Variants in CADM1 observed in about 807,000 individuals in gnomAD.
CADM1 encodes cell adhesion molecule 1, also known as TSLC-1.
CADM1 carries 15 observed loss-of-function variants against 53.1 expected under a neutral mutation model. The observed-to-expected ratio is 0.28, with a 90% CI of 0.19 to 0.44. The LOEUF (loss-of-function observed/expected upper bound fraction) is 0.44, where lower values mean the gene tolerates loss of function less well. Ranked by LOEUF, CADM1 falls within the 20% of genes least tolerant of loss-of-function variation. The probability of loss-of-function intolerance (pLI) is 1.00; values close to 1 mark genes in which losing one functional copy is unlikely to be tolerated. For missense variants in CADM1, 434 were observed against 611.3 expected, an observed-to-expected ratio of 0.71 and a Z score of 3.06; for synonymous variants, 281 against 243.0, an observed-to-expected ratio of 1.16 and a Z score of -1.45.
intron 1 of CADM1, among the ~76,000 whole-genome samples, chr11:115,408,448 C>G (rs1947372547): frequency 6.6e-6 from 1 of 152,212 alleles, no homozygotes; most frequent in Admixed American, 6.5e-5. Context: ...GCCTGGATTT[C>G]TATCCCACTA....
In CADM1 at chr11:115,232,371, T is replaced by A. The variant is rs150359193; in HGVS notation, c.425-881A>T. On this transcript the variant is annotated intron_variant, in intron 3 of 11. Transcript: ENST00000331581. ...TCCAGAATGTAATCATAACCTCTGA[T>A]GGATAATGTAGTAATAAAGTCCTTT... is the stretch of plus-strand genomic sequence containing the variant. 5.9e-5 allele frequency among the ~76,000 whole-genome samples: 9 copies of A among 152,322 alleles called. No homozygotes were observed. The East Asian group carries it at 1.7e-3, about 29-fold the overall frequency.
At chr11:115,337,784 A>C (rs1945306622) in intron 1 of CADM1, among the ~76,000 whole-genome samples, 1 of 152,170 alleles carries the variant, frequency 6.6e-6, no homozygotes, top group African/African-American at 2.4e-5. Context: ...CTGTTGTGAT[A>C]ATGGTTTATT....
chr11:115,316,945 T>C (rs954036917), intron 1 of CADM1, among the ~76,000 whole-genome samples: 3 of 152,172 alleles, frequency 2.0e-5, no homozygotes, highest in Admixed American at 1.3e-4. Flanking sequence ...CCACAGTGTG[T>C]GCATGTTATG....
Position 115,243,214 on chromosome 11 carries a change from C to T in CADM1, c.125-2794G>A, listed in dbSNP as rs559894718. On this transcript the variant is annotated intron_variant, in intron 1 of 11. Coordinates refer to ENST00000331581, the MANE Select transcript of CADM1 (RefSeq NM_001301043.2). The stretch of plus-strand genomic sequence containing the variant: ...CCTTGCTGTGCTCTGGCACATAATG[C>T]GCTCTGCAAACCCATGGTGGTATCA... 1.5e-3 allele frequency among the ~76,000 whole-genome samples: 232 copies of T among 152,300 alleles called. 2 individuals are homozygous for T. Among genetic ancestry groups the T allele is most frequent in the African/African-American group, 4.9e-3 (203 of 41,572 alleles).
chr11:115,238,455 A>G, intron 3 of CADM1, 45 bp downstream of exon 3: 1 of 1,601,128 alleles, frequency 6.2e-7, no homozygotes, highest in Non-Finnish European at 8.6e-7. Context: ...TAAAAGGGCC[A>G]TCTCTATTCC....
At chr11:115,333,667 C>T (rs1945189761) in intron 1 of CADM1, 1 of 152,146 alleles carries the variant, frequency 6.6e-6, no homozygotes, top group African/African-American at 2.4e-5. Context: ...TCGGTATCAT[C>T]TTGATAGCAT....
chr11:115,263,002 C>T (rs1163086046), intron 1 of CADM1, among the ~76,000 whole-genome samples: 1 of 152,172 alleles, frequency 6.6e-6, no homozygotes. Context: ...GAGTACCGGT[C>T]AGCTATTTTG....
chr11:115,384,648 G>A (rs1050586014), intron 1 of CADM1, among the ~76,000 whole-genome samples: 3 of 152,186 alleles, frequency 2.0e-5, no homozygotes, highest in African/African-American at 4.8e-5. Context: ...ACCCTGGATT[G>A]TGTATTGGAC....
intron 1 of CADM1, among the ~76,000 whole-genome samples, chr11:115,258,724 T>C (rs1165948555): frequency 2.0e-5 from 3 of 152,238 alleles, no homozygotes; most frequent in African/African-American, 7.2e-5. Context: ...GAGCAAGTAC[T>C]AAAGAAATCT....
At chr11:115,389,511 GGTTAA>G (rs1382746535) in intron 1 of CADM1, among the ~76,000 whole-genome samples, 5 of 152,120 alleles carry the variant, frequency 3.3e-5, no homozygotes, top group African/African-American at 1.2e-4. Flanking sequence ...TGAGGAGAAT[GGTTAA>G]ATTATGCTAT....
In CADM1 at chr11:115,443,960, CTTT is replaced by C. The variant is rs568233118; in HGVS notation, c.124+60308_124+60310del. Among the ~76,000 whole-genome samples the C allele has an allele frequency of 7.2e-3, 1,093 of 152,256 alleles. 8 individuals carry two copies. Among genetic ancestry groups the C allele is most frequent in the Middle Eastern group, 0.01 (3 of 294 alleles). On this transcript the variant is annotated intron_variant, in intron 1 of 11. Coordinates refer to ENST00000331581, the MANE Select transcript of CADM1 (RefSeq NM_001301043.2). Reference sequence around the variant, plus strand: ...GGAGACAAAAGGTGGTTGGTCGGGTCTTTTTGTGTGTCCTATATTTCTAATAAA... The same window carrying C: ...GGAGACAAAAGGTGGTTGGTCGGGTCTTGTGTGTCCTATATTTCTAATAAA...
At chr11:115,337,510 C>T (rs1487440908) in intron 1 of CADM1, among the ~76,000 whole-genome samples, 1 of 152,088 alleles carries the variant, frequency 6.6e-6, no homozygotes, top group Non-Finnish European at 1.5e-5. Context: ...ATCCTGCCTT[C>T]TATATTTCTA....
At chr11:115,269,532 A>G (rs1232899636) in intron 1 of CADM1, among the ~76,000 whole-genome samples, 1 of 152,302 alleles carries the variant, frequency 6.6e-6, no homozygotes, top group East Asian at 1.9e-4. Flanking sequence ...TTAAAAAAGG[A>G]AAACTGCTCA....
At chr11:115,408,325 A>G (rs1266012299) in intron 1 of CADM1, among the ~76,000 whole-genome samples, 1 of 152,194 alleles carries the variant, frequency 6.6e-6, no homozygotes, top group Non-Finnish European at 1.5e-5. Flanking sequence ...TTTTTCCCCC[A>G]AGCACAACAG....
In CADM1 at chr11:115,232,091, T is replaced by C. The variant is rs1340884056; in HGVS notation, c.425-601A>G. Among the ~76,000 whole-genome samples the C allele has an allele frequency of 2.0e-5, 3 of 152,294 alleles. No homozygotes were observed. The East Asian group carries it at 5.8e-4, about 29-fold the overall frequency. On this transcript the variant is annotated intron_variant, in intron 3 of 11. Transcript: ENST00000331581. ...TATCAATATAGATATTAGTCACCAG[T>C]CATTCAAAAATTAACCAGAAAGTAG...
intron 1 of CADM1, among the ~76,000 whole-genome samples, chr11:115,366,643 C>A (rs1390679111): frequency 6.6e-6 from 1 of 152,140 alleles, no homozygotes; most frequent in African/African-American, 2.4e-5. Context: ...GAAATAGCAT[C>A]CCAAGGATAC....
At chr11:115,231,269 G>T in intron 4 of CADM1, 84 bp downstream of exon 4, 1 of 1,448,462 alleles carries the variant, frequency 6.9e-7, no homozygotes, top group Non-Finnish European at 9.7e-7. Flanking sequence ...TCATGGGCAT[G>T]TTTTGTATTT....
chr11:115,422,667 G>A (rs992075678), intron 1 of CADM1, among the ~76,000 whole-genome samples: 1 of 152,186 alleles, frequency 6.6e-6, no homozygotes, highest in African/African-American at 2.4e-5. Flanking sequence ...CCTTTTACAA[G>A]TGCAACTCTT....
At chr11:115,189,233 G>C (rs927983242) in intron 10 of CADM1, among the ~76,000 whole-genome samples, 6 of 152,246 alleles carry the variant, frequency 3.9e-5, no homozygotes, top group African/African-American at 1.4e-4. Context: ...CTGCAGCAGG[G>C]ACCCATCTGA....
Sources: allele counts gnomAD v4.1 joint callset (sites outside exome capture counted in the v4.1 genomes callset), GRCh38; gene constraint gnomAD v4.1.1; transcripts MANE v1.5; gene names NCBI Gene and HGNC (gene_info 2026-07-23, HGNC 2026-07-21).